The following CFAP91 variants were observed in gnomAD, a reference collection of about 807,000 sequenced individuals.
CFAP91 encodes the protein cilia and flagella associated protein 91, also known as cilia- and flagella-associated protein 91.
CFAP91 carries 85 observed loss-of-function variants against 95.9 expected under a neutral mutation model. The ratio of observed to expected loss-of-function variants is 0.89; its 90% confidence interval spans 0.74 to 1.06. CFAP91 has a LOEUF of 1.06. Among genes scored for constraint, CFAP91 ranks in the 50% least tolerant of loss-of-function variants. The probability of loss-of-function intolerance (pLI) is 0.00; values close to 1 mark genes in which losing one functional copy is unlikely to be tolerated. For synonymous variants in CFAP91, 335 were observed against 327.5 expected, an observed-to-expected ratio of 1.02 and a Z score of -0.25; for missense variants, 962 against 943.4, an observed-to-expected ratio of 1.02 and a Z score of -0.26.
chr3:119,734,581 G>A (rs1467799299), intron 10 of CFAP91, among the ~76,000 whole-genome samples: 1 of 152,040 alleles, frequency 6.6e-6, no homozygotes, highest in African/African-American at 2.4e-5. Context: ...ATTTATAATT[G>A]TTTATAAATA....
chr3:119,717,202 GGT>G (rs1219888073), intron 6 of CFAP91, among the ~76,000 whole-genome samples: 1 of 152,188 alleles, frequency 6.6e-6, no homozygotes, highest in Admixed American at 6.5e-5. Flanking sequence ...ACTGAAGCCT[GGT>G]GCCTGCCCAA....
At chr3:119,752,077 A>T (rs149168508) in intron 17 of CFAP91, among the ~76,000 whole-genome samples, 4 of 152,316 alleles carry the variant, frequency 2.6e-5, no homozygotes, top group Non-Finnish European at 4.4e-5. Context: ...TAAAATTCTC[A>T]TGAGAAGGGG....
chr3:119,723,822 T>G (rs2053729403), intron 6 of CFAP91, among the ~76,000 whole-genome samples: 1 of 152,174 alleles, frequency 6.6e-6, no homozygotes, highest in South Asian at 2.1e-4. Flanking sequence ...GTGATAGGGA[T>G]TTGTTGAAGA....
At chr3:119,707,363 A>G (rs201817901) in intron 2 of CFAP91, 41 bp from the exon 3 acceptor site, 207 of 1,404,920 alleles carry the variant, frequency 1.5e-4, no homozygotes, top group Admixed American at 4.4e-4. Context: ...AGAAAAGCTG[A>G]TGGTATAATT....
chr3:119,726,682 A>G (rs1296849001), intron 7 of CFAP91, among the ~76,000 whole-genome samples: 1 of 152,100 alleles, frequency 6.6e-6, no homozygotes, highest in Non-Finnish European at 1.5e-5. Flanking sequence ...CTTAACTGTC[A>G]CAGAATCCCA....
intron 1 of CFAP91, among the ~76,000 whole-genome samples, chr3:119,705,232 A>C (rs925513563): frequency 6.6e-6 from 1 of 152,238 alleles, no homozygotes; most frequent in African/African-American, 2.4e-5. Flanking sequence ...TGAAAATTTA[A>C]GTTAGAAATT....
At chr3:119,729,480 C>T (rs2053852089) in intron 7 of CFAP91, among the ~76,000 whole-genome samples, 1 of 151,796 alleles carries the variant, frequency 6.6e-6, no homozygotes, top group Admixed American at 6.6e-5. Flanking sequence ...TCCATCTCTA[C>T]CAAAACTACA....
intron 9 of CFAP91, 87 bp from the exon 10 acceptor site, chr3:119,733,277 G>C: frequency 7.1e-7 from 1 of 1,401,774 alleles, no homozygotes; most frequent in Non-Finnish European, 9.7e-7. Context: ...GAAACTGCTT[G>C]GCAAACAGCT....
At chr3:119,708,532 A>G in intron 3 of CFAP91, 59 bp from the exon 4 acceptor site, 1 of 1,159,132 alleles carries the variant, frequency 8.6e-7, no homozygotes, top group Admixed American at 1.9e-5. Flanking sequence ...GAAATATTAA[A>G]TAGAAATTAT....
At chr3:119,749,327 G>A (rs2054281897) in intron 16 of CFAP91, 1 of 152,198 alleles carries the variant, frequency 6.6e-6, no homozygotes, top group South Asian at 2.1e-4. Context: ...GTTGAGACCA[G>A]CCTGGGTAAC....
rs754383049 is a variant in CFAP91 at position 119,707,493 on chromosome 3, A to T, written c.291A>T (p.Pro97=). 2 of 1,598,362 alleles carry T rather than the reference A, an allele frequency of 1.3e-6. No individual in the cohort carries two copies. Among genetic ancestry groups the T allele is most frequent in the South Asian group, 2.2e-5 (2 of 89,008 alleles). ...ATTGGAGCAAGTCAGATCCTGTCCC[A>T]CCATTTATCAGTCGGGAATGGAAGG... The part of the protein sequence containing the change: ...SLYWSKSDPV[P]PFISREWKGH... The change falls in exon 3 of 18, where the codon CCA becomes CCT. Residue 97 remains proline, a synonymous_variant. Transcript: ENST00000273390.
rs2053918718 is a variant in CFAP91, at chr3:119,732,419, C to T, written c.1144C>T (p.Pro382Ser). 1.2e-6 allele frequency: 2 copies of T among 1,612,300 alleles called. No homozygotes were observed. The highest frequency in any genetic ancestry group is 1.1e-5 in the South Asian group (1 of 90,636). Reference sequence around the variant, plus strand: ...ACCTCTGTCTCGTCTTGGGTGTTTCCCAGACAACAACTCAGAGGACTTTGT... The same window carrying T: ...ACCTCTGTCTCGTCTTGGGTGTTTCTCAGACAACAACTCAGAGGACTTTGT... ...YGPLSRLGCF[P>S]DNNSEDFVVK... The change falls in exon 9 of 18, where the codon CCA (proline) becomes TCA (serine). Residue 382 changes from proline to serine, a missense_variant. Transcript: ENST00000273390.
At chr3:119,726,377 TC>T (rs1396240534) in intron 7 of CFAP91, 29 bp downstream of exon 7, 1 of 1,582,962 alleles carries the variant, frequency 6.3e-7, no homozygotes, top group Non-Finnish European at 8.6e-7. Flanking sequence ...AGACAACTGT[TC>T]CTGCACTGGT....
chr3:119,707,061 G>T, intron 2 of CFAP91, 176 bp downstream of exon 2: 2 of 570,926 alleles, frequency 3.5e-6, no homozygotes, highest in Non-Finnish European at 6.2e-6. Context: ...CTCATTGTGA[G>T]GATTAAGTCA....
chr3:119,757,512 T>C (rs1468035875), intron 17 of CFAP91, among the ~76,000 whole-genome samples: 3 of 151,302 alleles, frequency 2.0e-5, no homozygotes, highest in African/African-American at 4.9e-5. Context: ...CCAGGCATGG[T>C]GGTGTGTGCC....
rs769625913 is a variant in CFAP91, at chr3:119,715,672, C to T, written c.611C>T (p.Pro204Leu). Residue 204 changes from proline (P) to leucine (L), a missense_variant, in exon 6 of 18, where the codon CCA becomes CTA. Coordinates refer to ENST00000273390, the MANE Select transcript of CFAP91 (RefSeq NM_033364.4). Reference sequence around the variant, plus strand: ...CGGGATGCTGACGTTCAAACAGATCCATACTCTGCAGAATATGTAGTATGT... The same window carrying T: ...CGGGATGCTGACGTTCAAACAGATCTATACTCTGCAGAATATGTAGTATGT... ...DYRDADVQTD[P>L]YSAEYVVCQD... The T allele has an allele frequency of 1.2e-6, 2 of 1,613,840 alleles. No individual in the cohort carries two copies. The highest frequency in any genetic ancestry group is 1.7e-6 in the Non-Finnish European group (2 of 1,179,744).
intron 16 of CFAP91, among the ~76,000 whole-genome samples, chr3:119,749,572 A>C (rs2054286787): frequency 6.6e-6 from 1 of 151,950 alleles, no homozygotes; most frequent in Non-Finnish European, 1.5e-5. Context: ...CCATGTTGGG[A>C]GTCTGAGTTG....
chr3:119,758,093 C>A lies in CFAP91; in HGVS notation c.*2-6959C>A, dbSNP rs77436384. Among the ~76,000 whole-genome samples, 846 of 152,164 alleles carry A rather than the reference C, an allele frequency of 5.6e-3. 7 individuals are homozygous for A. Among genetic ancestry groups the A allele is most frequent in the African/African-American group, 0.019 (790 of 41,516 alleles). ...GTTGGTTTTTGGTCAGAAAGAGATG[C>A]TGAATATTCTGACTTGCACCATCAT... is the stretch of plus-strand genomic sequence containing the variant. On this transcript the variant is annotated intron_variant, in intron 17 of 17. Transcript: ENST00000273390.
At position 119,732,249 on chromosome 3, in the gene CFAP91, A is replaced by T. The variant is rs768064623; in HGVS notation, c.1019-45A>T. 2.1e-6 allele frequency: 3 copies of T among 1,448,604 alleles called. No homozygotes were observed. The African/African-American group carries it at 4.3e-5, about 21-fold the overall frequency. The allele number at this position is 1,448,604 out of a possible 1,614,324, so 89.7% of individuals were successfully genotyped here. The stretch of plus-strand genomic sequence containing the variant: ...GCTTACTCTTCTGCATTTGTAATTC[A>T]GAACAATATTTTAGAGATAGTCATG... On this transcript the variant is annotated intron_variant, in intron 8 of 17. Transcript: ENST00000273390.
Sources: allele counts gnomAD v4.1 joint callset (sites outside exome capture counted in the v4.1 genomes callset), GRCh38; gene constraint gnomAD v4.1.1; transcripts MANE v1.5; gene names NCBI Gene and HGNC (gene_info 2026-07-23, HGNC 2026-07-21).